Variants in PCDHGB4 observed in about 807,000 individuals in gnomAD.
PCDHGB4 encodes the protein protocadherin gamma-B4.
Under a neutral mutation model 60.5 loss-of-function variants are expected in PCDHGB4, and 38 were observed. That is an observed-to-expected ratio of 0.63 (90% CI 0.48 to 0.82). The LOEUF (loss-of-function observed/expected upper bound fraction) is 0.82, where lower values mean the gene tolerates loss of function less well. Among genes scored for constraint, PCDHGB4 ranks in the 40% least tolerant of loss-of-function variants. The pLI, the probability that PCDHGB4 is intolerant of heterozygous loss-of-function variation, is 0.00. For synonymous variants in PCDHGB4, 456 were observed against 509.7 expected, an observed-to-expected ratio of 0.89 and a Z score of 1.42; for missense variants, 1,109 against 1,209.6, an observed-to-expected ratio of 0.92 and a Z score of 1.23.
intron 1 of PCDHGB4, 29 bp downstream of exon 1, chr5:141,390,310 C>T: frequency 1.2e-6 from 2 of 1,612,362 alleles, no homozygotes; most frequent in Non-Finnish European, 1.7e-6. Context: ...TAATTTAATG[C>T]TCATTGCCTA....
chr5:141,394,428 G>A lies in PCDHGB4; in HGVS notation c.2397+4147G>A, dbSNP rs199658498. On this transcript the variant is annotated intron_variant, in intron 1 of 3. Coordinates refer to ENST00000519479, the MANE Select transcript of PCDHGB4 (RefSeq NM_003736.4). ...ACTGGTAACAGCCAGCGACAGCGGG[G>A]ACCCGCCCCTCAGCAGCAACATGTC... 332 of 1,614,232 alleles carry A rather than the reference G, an allele frequency of 2.1e-4. 3 individuals are homozygous for A. In the African/African-American group the frequency reaches 4.0e-3, roughly 19 times the overall value.
At chr5:141,428,241 A>C (rs1416124194) in intron 1 of PCDHGB4, 1 of 961,518 alleles carries the variant, frequency 1.0e-6, no homozygotes, top group Admixed American at 2.0e-5. Flanking sequence ...TGCAGGAGGC[A>C]CTGCCAGACT....
chr5:141,441,018 TG>T (rs1482478700), intron 1 of PCDHGB4: 1 of 152,164 alleles, frequency 6.6e-6, no homozygotes, highest in Non-Finnish European at 1.5e-5. Context: ...GATCAAATAG[TG>T]GAGAAATGAA....
Position 141,432,097 on chromosome 5 carries a change from C to T in PCDHGB4, c.2397+41816C>T, listed in dbSNP as rs1428283489. The stretch of plus-strand genomic sequence containing the variant: ...TCTCGCTGAACGTGGCAGACACCAA[C>T]GACAACCCGCCGGTCTTCCCTCAGG... On this transcript the variant is annotated intron_variant, in intron 1 of 3. Transcript: ENST00000519479. This position sits in a 1 kb window ranked among gnomAD's most constrained non-coding sequence, Gnocchi z 6.0. 6 of 1,614,066 alleles carry T rather than the reference C, an allele frequency of 3.7e-6. No individual in the cohort carries two copies. The highest frequency in any genetic ancestry group is 2.7e-5 in the African/African-American group (2 of 74,920).
In PCDHGB4 at chr5:141,476,714, C is replaced by G. The variant is rs146188020; in HGVS notation, c.2398-18093C>G. 3.1e-6 allele frequency: 5 copies of G among 1,614,036 alleles called. No individual in the cohort carries two copies. Among genetic ancestry groups the G allele is most frequent in the African/African-American group, 2.7e-5 (2 of 74,938 alleles). ...CAAGTACGCGGAGCTGGTGTTGGAGCGCGCCCTGGACCGAGAACGGGAGCC... is the reference window on the plus strand; with the variant it reads ...CAAGTACGCGGAGCTGGTGTTGGAGGGCGCCCTGGACCGAGAACGGGAGCC... On this transcript the variant is annotated intron_variant, in intron 1 of 3. Transcript: ENST00000519479. This position sits in a 1 kb window ranked among gnomAD's most constrained non-coding sequence, Gnocchi z 7.6.
At chr5:141,409,201 AATC>A (rs1377420843) in intron 1 of PCDHGB4, 1 of 1,614,044 alleles carries the variant, frequency 6.2e-7, no homozygotes, top group Non-Finnish European at 8.5e-7. Context: ...AGTGTAAAGT[AATC>A]ATAGAAATCC....
intron 1 of PCDHGB4, among the ~76,000 whole-genome samples, chr5:141,456,733 G>A (rs1186997201): frequency 6.6e-6 from 1 of 152,182 alleles, no homozygotes; most frequent in Non-Finnish European, 1.5e-5. Context: ...GGGAGGCTGA[G>A]GCGGGAGCAT....
chr5:141,478,337 T>C (rs766980546), intron 1 of PCDHGB4: 1 of 1,613,942 alleles, frequency 6.2e-7, no homozygotes, highest in Non-Finnish European at 8.5e-7. Context: ...ACCAGGGCCC[T>C]CCTTGCACGC....
intron 1 of PCDHGB4, among the ~76,000 whole-genome samples, chr5:141,449,298 T>C (rs1197693931): frequency 6.6e-6 from 1 of 152,058 alleles, no homozygotes; most frequent in Non-Finnish European, 1.5e-5. Flanking sequence ...CCGGGTGAAT[T>C]ATATGTATTA....
rs907427230 is a variant in PCDHGB4, at chr5:141,489,936, G to A, written c.2398-4871G>A. 4 of 1,614,096 alleles carry A rather than the reference G, an allele frequency of 2.5e-6. No homozygotes were observed. In the African/African-American group the frequency reaches 5.3e-5, roughly 22 times the overall value. ...GGACCACCCTTATCTCTGTCATCGT[G>A]CTGGACATCAATGATAATGCTCCAA... is the stretch of plus-strand genomic sequence containing the variant. On this transcript the variant is annotated intron_variant, in intron 1 of 3. Coordinates refer to ENST00000519479, the MANE Select transcript of PCDHGB4 (RefSeq NM_003736.4). This position sits in a 1 kb window ranked among gnomAD's most constrained non-coding sequence, Gnocchi z 4.5.
intron 1 of PCDHGB4, chr5:141,395,360 G>A (rs2093220996): frequency 3.9e-6 from 5 of 1,290,318 alleles, no homozygotes; most frequent in Non-Finnish European, 5.2e-6. Context: ...AGAGTTTTGG[G>A]TTTATTTTGG....
rs1011731430 is a variant in PCDHGB4, at chr5:141,489,676, G to A, written c.2398-5131G>A. 6.2e-7 allele frequency: 1 copy of A among 1,614,158 alleles called. No individual in the cohort carries two copies. The highest frequency in any genetic ancestry group is 8.5e-7 in the Non-Finnish European group (1 of 1,180,008). On this transcript the variant is annotated intron_variant, in intron 1 of 3. Coordinates refer to ENST00000519479, the MANE Select transcript of PCDHGB4 (RefSeq NM_003736.4). This position sits in a 1 kb window ranked among gnomAD's most constrained non-coding sequence, Gnocchi z 4.5. ...GCGAGAGATGCGCATCTCAGAATCAGCAGCATCTGGGGCACGATTCCCACT... is the reference window on the plus strand; with the variant it reads ...GCGAGAGATGCGCATCTCAGAATCAACAGCATCTGGGGCACGATTCCCACT...
At chr5:141,410,049 T>A in intron 1 of PCDHGB4, 1 of 1,613,184 alleles carries the variant, frequency 6.2e-7, no homozygotes, top group Admixed American at 1.7e-5. Flanking sequence ...GAGCCCGGAC[T>A]CTTCAGCCTG....
At chr5:141,500,221 TTTA>T (rs1428029040) in intron 2 of PCDHGB4, among the ~76,000 whole-genome samples, 2 of 151,002 alleles carry the variant, frequency 1.3e-5, no homozygotes, top group Non-Finnish European at 2.9e-5. Flanking sequence ...TATTTATTTA[TTTA>T]TTGATACGTA....
At chr5:141,403,614 G>A (rs772617526) in intron 1 of PCDHGB4, 4 of 1,613,750 alleles carry the variant, frequency 2.5e-6, no homozygotes, top group Non-Finnish European at 3.4e-6. Flanking sequence ...GGCGAGCCGC[G>A]TCGCTCCAGC....
intron 1 of PCDHGB4, among the ~76,000 whole-genome samples, chr5:141,461,756 C>T (rs887460069): frequency 6.6e-6 from 1 of 151,832 alleles, no homozygotes; most frequent in Non-Finnish European, 1.5e-5. Flanking sequence ...CAGATTCAAG[C>T]GATTCTCCTG....
Position 141,477,531 on chromosome 5 carries a change from C to G in PCDHGB4, c.2398-17276C>G. ...GTTTACATTGAAGAAAACAACCTCC[C>G]CGGGGCTCCAATACTAAACCTAAGT... On this transcript the variant is annotated intron_variant, in intron 1 of 3. Coordinates refer to ENST00000519479, the MANE Select transcript of PCDHGB4 (RefSeq NM_003736.4). This position sits in a 1 kb window ranked among gnomAD's most constrained non-coding sequence, Gnocchi z 4.9. The G allele has an allele frequency of 6.2e-7, 1 of 1,614,162 alleles. No homozygotes were observed. Among genetic ancestry groups the G allele is most frequent in the South Asian group, 1.1e-5 (1 of 91,086 alleles).
intron 1 of PCDHGB4, among the ~76,000 whole-genome samples, chr5:141,406,564 C>T (rs1475993893): frequency 6.6e-6 from 1 of 152,164 alleles, no homozygotes; most frequent in African/African-American, 2.4e-5. Flanking sequence ...CACTTCCAAA[C>T]CCTAGTAAAC....
At position 141,422,099 on chromosome 5, in the gene PCDHGB4, A is replaced by G. The variant is rs374091819; in HGVS notation, c.2397+31818A>G. ...CGGAACATGGAAAGCAAGGCTTCTG[A>G]AATATTCCAATTGGATTCACAAACT... On this transcript the variant is annotated intron_variant, in intron 1 of 3. Transcript: ENST00000519479. 1.9e-6 allele frequency: 3 copies of G among 1,609,706 alleles called. No homozygotes were observed. The African/African-American group carries it at 4.0e-5, about 22-fold the overall frequency.
Sources: gnomAD v4.1 joint callset for allele counts (sites outside exome capture counted in the v4.1 genomes callset) on GRCh38, gnomAD v4.1.1 for gene constraint, Gnocchi (gnomAD v3.1) non-coding constraint, MANE v1.5 for transcripts, NCBI Gene and HGNC (gene_info 2026-07-23, HGNC 2026-07-21) for gene names.